The following STAG1 variants were observed in gnomAD, a reference collection of about 807,000 sequenced individuals.
STAG1 encodes STAG1 cohesin complex component, also known as cohesin subunit SA-1.
STAG1 carries 26 observed loss-of-function variants against 170.9 expected under a neutral mutation model. The observed-to-expected ratio is 0.15, with a 90% CI of 0.11 to 0.21. STAG1 has a LOEUF of 0.21. Ranked by LOEUF, STAG1 falls within the 10% of genes least tolerant of loss-of-function variation. STAG1 has a pLI of 1.00. For missense variants in STAG1, 964 were observed against 1,509.5 expected, an observed-to-expected ratio of 0.64 and a Z score of 5.99; for synonymous variants, 514 against 497.7, an observed-to-expected ratio of 1.03 and a Z score of -0.44.
intron 28 of STAG1, among the ~76,000 whole-genome samples, chr3:136,352,047 TAAAC>T (rs768041715): frequency 2.1e-4 from 32 of 152,158 alleles, no homozygotes; most frequent in Non-Finnish European, 4.6e-4. Context: ...TCCAAGTAAC[TAAAC>T]AAATAAATGA....
intron 1 of STAG1, among the ~76,000 whole-genome samples, chr3:136,742,801 T>C (rs1934739698): frequency 6.6e-6 from 1 of 151,894 alleles, no homozygotes; most frequent in South Asian, 2.1e-4. Flanking sequence ...AAAAAGAATG[T>C]CAAGGTAAAT....
chr3:136,720,663 G>A (rs191690004), intron 1 of STAG1, among the ~76,000 whole-genome samples: 3 of 152,102 alleles, frequency 2.0e-5, no homozygotes, highest in East Asian at 3.9e-4. Flanking sequence ...AATAGCTGGC[G>A]CCTGTAATCC....
intron 13 of STAG1, among the ~76,000 whole-genome samples, chr3:136,455,713 G>C (rs977025243): frequency 6.6e-6 from 1 of 152,214 alleles, no homozygotes; most frequent in Non-Finnish European, 1.5e-5. Flanking sequence ...CAATCCAAGC[G>C]AAGGATCAAA....
intron 9 of STAG1, among the ~76,000 whole-genome samples, chr3:136,488,810 C>G (rs1165171215): frequency 6.6e-6 from 1 of 152,140 alleles, no homozygotes; most frequent in Admixed American, 6.5e-5. Context: ...GATTTGATTA[C>G]AACATATCTT....
At chr3:136,343,574 T>C (rs1936089905) in intron 30 of STAG1, among the ~76,000 whole-genome samples, 1 of 152,182 alleles carries the variant, frequency 6.6e-6, no homozygotes, top group African/African-American at 2.4e-5. Flanking sequence ...ACCTGCCCAA[T>C]GAAAATGCAC....
At chr3:136,494,493 ACT>A (rs2107850751) in intron 9 of STAG1, among the ~76,000 whole-genome samples, 1 of 152,292 alleles carries the variant, frequency 6.6e-6, no homozygotes, top group African/African-American at 2.4e-5. Flanking sequence ...TAGTATTGAC[ACT>A]GTTATTCCTT....
At chr3:136,607,453 A>G (rs1939017290) in intron 3 of STAG1, among the ~76,000 whole-genome samples, 1 of 151,726 alleles carries the variant, frequency 6.6e-6, no homozygotes, top group Non-Finnish European at 1.5e-5. Flanking sequence ...CTCAGGCTGG[A>G]GTGCGGTGGT....
chr3:136,710,601 T>C (rs967391150), intron 1 of STAG1, among the ~76,000 whole-genome samples: 34 of 152,182 alleles, frequency 2.2e-4, no homozygotes, highest in Non-Finnish European at 4.0e-4. Context: ...TTCACTTCGA[T>C]GTTGGTTTAA....
chr3:136,538,995 G>A lies in STAG1; in HGVS notation c.471+3124C>T, dbSNP rs369038139. ...TAAAAATACAAAAAATTAGCCCAGC[G>A]TAGCGGCAGGCGCCTGTAGTCCCAG... On this transcript the variant is annotated intron_variant, in intron 6 of 33. Transcript: ENST00000383202. Among the ~76,000 whole-genome samples, 1,314 of 152,120 alleles carry A rather than the reference G, an allele frequency of 8.6e-3. 22 individuals carry two copies. The highest frequency in any genetic ancestry group is 0.03 in the African/African-American group (1,233 of 41,508).
chr3:136,521,204 A>C lies in STAG1; in HGVS notation c.676+9T>G. On this transcript the variant is annotated intron_variant, in intron 7 of 33. Transcript: ENST00000383202. ...TAAATGAAAAGGAAATAAAATGTTAATTACTTACCAGCCAGGGTACTTGTA... is the reference window on the plus strand; with the variant it reads ...TAAATGAAAAGGAAATAAAATGTTACTTACTTACCAGCCAGGGTACTTGTA... The C allele has an allele frequency of 1.9e-6, 3 of 1,609,050 alleles. No homozygotes were observed. Among genetic ancestry groups the C allele is most frequent in the Non-Finnish European group, 2.6e-6 (3 of 1,175,954 alleles).
At chr3:136,595,859 C>G (rs1464785329) in intron 4 of STAG1, among the ~76,000 whole-genome samples, 1 of 151,160 alleles carries the variant, frequency 6.6e-6, no homozygotes, top group Non-Finnish European at 1.5e-5. Flanking sequence ...AATGAAAATA[C>G]AAACAAGTAA....
intron 1 of STAG1, among the ~76,000 whole-genome samples, chr3:136,681,889 G>A (rs1183941506): frequency 1.3e-5 from 2 of 151,844 alleles, no homozygotes; most frequent in African/African-American, 4.8e-5. Flanking sequence ...TAACAAAGGT[G>A]GCATATGAAA....
At chr3:136,440,915 G>T (rs2107758751) in intron 15 of STAG1, among the ~76,000 whole-genome samples, 1 of 152,198 alleles carries the variant, frequency 6.6e-6, no homozygotes, top group Middle Eastern at 3.4e-3. Context: ...CTTAAGCTGG[G>T]AAGGCAGAGG....
intron 3 of STAG1, among the ~76,000 whole-genome samples, chr3:136,618,368 G>A (rs977911993): frequency 9.2e-5 from 14 of 152,204 alleles, no homozygotes; most frequent in Non-Finnish European, 1.9e-4. Context: ...TTGTCCAAGT[G>A]TGCACTCACC....
At chr3:136,500,331 G>C (rs1207706751) in intron 8 of STAG1, 35 bp from the exon 9 acceptor site, 4 of 1,406,022 alleles carry the variant, frequency 2.8e-6, no homozygotes, top group Non-Finnish European at 3.0e-6. Context: ...TTGAAATCCT[G>C]ATCATTTTAT....
chr3:136,750,400 C>A (rs1219058820), intron 1 of STAG1, among the ~76,000 whole-genome samples: 1 of 152,148 alleles, frequency 6.6e-6, no homozygotes, highest in Non-Finnish European at 1.5e-5. Context: ...TAACTTCGGT[C>A]CAGGACCCAC....
chr3:136,496,005 G>A lies in STAG1; in HGVS notation c.902+4218C>T, dbSNP rs555018573. On this transcript the variant is annotated intron_variant, in intron 9 of 33. Coordinates refer to ENST00000383202, the MANE Select transcript of STAG1 (RefSeq NM_005862.3). ...AAAAAAAAAAAAAAATTAGCTGGGCGTGGTGGTGCATGCCTGTAATCCCAG... is the reference window on the plus strand; with the variant it reads ...AAAAAAAAAAAAAAATTAGCTGGGCATGGTGGTGCATGCCTGTAATCCCAG... 2.4e-3 allele frequency among the ~76,000 whole-genome samples: 359 copies of A among 148,036 alleles called. 1 individual carries two copies. Among genetic ancestry groups the A allele is most frequent in the Admixed American group, 4.5e-3 (66 of 14,800 alleles).
intron 7 of STAG1, among the ~76,000 whole-genome samples, chr3:136,504,421 A>G (rs1933650787): frequency 1.3e-5 from 2 of 152,240 alleles, no homozygotes; most frequent in South Asian, 4.1e-4. Context: ...TGTCTCAAAC[A>G]GTAAACTGAG....
chr3:136,406,011 T>C (rs1330140284), intron 21 of STAG1, among the ~76,000 whole-genome samples: 1 of 152,126 alleles, frequency 6.6e-6, no homozygotes, highest in Non-Finnish European at 1.5e-5. Context: ...ATAATTACCA[T>C]AAAACCTAGC....
Sources: allele counts gnomAD v4.1 joint callset (sites outside exome capture counted in the v4.1 genomes callset), GRCh38; gene constraint gnomAD v4.1.1; transcripts MANE v1.5; gene names NCBI Gene and HGNC (gene_info 2026-07-23, HGNC 2026-07-21).